PRKN: variants seen among roughly 807,000 people sequenced by gnomAD.
The protein encoded by PRKN is parkin RBR E3 ubiquitin protein ligase, also known as E3 ubiquitin-protein ligase parkin.
PRKN carries 56 observed loss-of-function variants against 59.5 expected under a neutral mutation model. The ratio of observed to expected loss-of-function variants is 0.94; its 90% CI spans 0.76 to 1.18. The LOEUF is 1.18. Among genes scored for constraint, PRKN ranks in the 50% most tolerant of loss-of-function variants. The pLI is 0.00. For missense variants in PRKN, 657 were observed against 596.4 expected, an observed-to-expected ratio of 1.10 and a Z score of -1.06; for synonymous variants, 250 against 222.1, an observed-to-expected ratio of 1.13 and a Z score of -1.12.
chr6:161,953,781 T>A (rs1236794389), intron 6 of PRKN, among the ~76,000 whole-genome samples: 1 of 151,908 alleles, frequency 6.6e-6, no homozygotes, highest in Admixed American at 6.6e-5. Context: ...GGCATCAGAG[T>A]TACAAGACAG....
At chr6:162,253,521 C>T (rs1779523304) in intron 3 of PRKN, among the ~76,000 whole-genome samples, 1 of 152,186 alleles carries the variant, frequency 6.6e-6, no homozygotes, top group Admixed American at 6.5e-5. Flanking sequence ...AGCAACTATG[C>T]TAACCGTATT....
At chr6:162,069,610 C>A (rs957426631) in intron 4 of PRKN, among the ~76,000 whole-genome samples, 1 of 152,008 alleles carries the variant, frequency 6.6e-6, no homozygotes, top group African/African-American at 2.4e-5. Flanking sequence ...AGAGCAAGAA[C>A]GTATTATAGA....
chr6:162,630,715 C>T (rs1358001254), intron 1 of PRKN, among the ~76,000 whole-genome samples: 2 of 151,952 alleles, frequency 1.3e-5, no homozygotes, highest in Admixed American at 6.6e-5. Context: ...TTTTAAGAGG[C>T]CATTTTGTCC....
rs693282 is a variant in PRKN, at chr6:161,502,506, G to A, written c.1083+46348C>T. ...CCCTTCTCTTCTGAAGCAACATCCC[G>A]ACTCTGGAATCCATTCCCACATTTA... On this transcript the variant is annotated intron_variant, in intron 9 of 11. Coordinates refer to ENST00000366898, the MANE Select transcript of PRKN (RefSeq NM_004562.3). The surrounding 1 kb of genome is among the most constrained non-coding windows in gnomAD (Gnocchi z 4.0). 0.71 allele frequency among the ~76,000 whole-genome samples: 108,569 copies of A among 151,888 alleles called. 39,130 individuals carry two copies. The highest frequency in any genetic ancestry group is 0.81 in the Middle Eastern group (237 of 292).
chr6:162,612,017 C>T (rs1351418246), intron 1 of PRKN, among the ~76,000 whole-genome samples: 6 of 146,846 alleles, frequency 4.1e-5, no homozygotes, highest in African/African-American at 1.2e-4. Context: ...AACCCCGTCT[C>T]TACTAAAAAT....
chr6:162,213,975 A>G (rs976211033), intron 3 of PRKN, among the ~76,000 whole-genome samples: 31 of 151,884 alleles, frequency 2.0e-4, no homozygotes, highest in African/African-American at 7.3e-4. Flanking sequence ...GCATCCACTC[A>G]TACCCTTAGG....
intron 6 of PRKN, among the ~76,000 whole-genome samples, chr6:161,788,363 A>G (rs1583166139): frequency 1.3e-5 from 2 of 152,306 alleles, no homozygotes; most frequent in East Asian, 1.9e-4. Flanking sequence ...TAGAGGTCCA[A>G]GTCTTGGGGC....
intron 9 of PRKN, among the ~76,000 whole-genome samples, chr6:161,465,959 T>C (rs1790444334): frequency 6.6e-6 from 1 of 152,236 alleles, no homozygotes; most frequent in African/African-American, 2.4e-5. Context: ...TAAATAATAA[T>C]CATATATTCA....
intron 4 of PRKN, among the ~76,000 whole-genome samples, chr6:162,130,437 T>G (rs1377659679): frequency 3.3e-5 from 5 of 152,130 alleles, no homozygotes; most frequent in Non-Finnish European, 5.9e-5. Context: ...TTTCAAGGTT[T>G]ACAGAGCAGG....
At chr6:162,341,024 C>T (rs1245496161) in intron 2 of PRKN, among the ~76,000 whole-genome samples, 1 of 151,838 alleles carries the variant, frequency 6.6e-6, no homozygotes, top group Non-Finnish European at 1.5e-5. Flanking sequence ...ATCTATCTGA[C>T]AAGGGCTAAT....
chr6:162,441,438 A>G (rs1294212764), intron 2 of PRKN, among the ~76,000 whole-genome samples: 2 of 152,116 alleles, frequency 1.3e-5, no homozygotes, highest in Admixed American at 6.6e-5. Flanking sequence ...CCTCAACTCA[A>G]TTCATCCAAG....
At chr6:162,567,210 A>G (rs1780120329) in intron 1 of PRKN, among the ~76,000 whole-genome samples, 1 of 152,334 alleles carries the variant, frequency 6.6e-6, no homozygotes, top group Admixed American at 6.5e-5. Flanking sequence ...GATCGGGAAC[A>G]TGACAAGGAT....
chr6:161,653,807 T>G (rs1784236428), intron 7 of PRKN, among the ~76,000 whole-genome samples: 1 of 152,198 alleles, frequency 6.6e-6, no homozygotes, highest in African/African-American at 2.4e-5. Flanking sequence ...TTGGAAACAT[T>G]ACTGGACTGA....
chr6:162,235,958 G>GAAAAAGAAAGAAAGAAAGAAAGAAAAGA (rs1562602229), intron 3 of PRKN, among the ~76,000 whole-genome samples: 14 of 92,676 alleles, frequency 1.5e-4, no homozygotes, highest in Non-Finnish European at 2.1e-4. Context: ...AGGAAGAAAG[G>GAAAAAGAAAGAAAGAAAGAAAGAAAAGA]AAGAAAGAAA....
intron 1 of PRKN, among the ~76,000 whole-genome samples, chr6:162,711,382 G>A (rs1778529552): frequency 6.7e-6 from 1 of 148,184 alleles, no homozygotes; most frequent in South Asian, 2.1e-4. Context: ...TCTCTGATGA[G>A]ACCAACTGGA....
At chr6:162,556,759 A>AG (rs1554243657) in intron 1 of PRKN, among the ~76,000 whole-genome samples, 2 of 151,130 alleles carry the variant, frequency 1.3e-5, no homozygotes, top group African/African-American at 4.9e-5. Flanking sequence ...AAAAAAAAAA[A>AG]AAAAGAGAAA....
rs80227454 is a variant in PRKN, at chr6:162,677,762, A to C, written c.7+49900T>G. Reference sequence around the variant, plus strand: ...TGGCTAGCTTGCAAATTTTCTTTGAAAAAGCGCTTACCTAGGCAAAGGACA... The same window carrying C: ...TGGCTAGCTTGCAAATTTTCTTTGACAAAGCGCTTACCTAGGCAAAGGACA... On this transcript the variant is annotated intron_variant, in intron 1 of 11. Coordinates refer to ENST00000366898, the MANE Select transcript of PRKN (RefSeq NM_004562.3). Among the ~76,000 whole-genome samples, 13 of 152,288 alleles carry C rather than the reference A, an allele frequency of 8.5e-5. No homozygotes were observed. The East Asian group carries it at 2.5e-3, about 29-fold the overall frequency.
intron 7 of PRKN, among the ~76,000 whole-genome samples, chr6:161,730,595 C>T (rs999461440): frequency 6.9e-6 from 1 of 144,402 alleles, no homozygotes; most frequent in Non-Finnish European, 1.5e-5. Context: ...TGATGTGTTG[C>T]ATTCTTTCTG....
At chr6:162,192,102 GT>G (rs1404781056) in intron 4 of PRKN, among the ~76,000 whole-genome samples, 5 of 152,018 alleles carry the variant, frequency 3.3e-5, no homozygotes, top group African/African-American at 1.2e-4. Context: ...TTTAGGTTGA[GT>G]TTTCTCAAAC....
Sources: allele counts gnomAD v4.1 joint callset (sites outside exome capture counted in the v4.1 genomes callset), GRCh38; gene constraint gnomAD v4.1.1; non-coding constraint Gnocchi (gnomAD v3.1); transcripts MANE v1.5; gene names NCBI Gene and HGNC (gene_info 2026-07-23, HGNC 2026-07-21).